Variants in PCDH9 observed in about 807,000 individuals in gnomAD.
PCDH9 encodes the protein protocadherin 9.
In PCDH9, 24 loss-of-function variants were observed where a neutral mutation model predicts 70.6. That is an observed-to-expected ratio of 0.34 (90% CI 0.25 to 0.48). The LOEUF is 0.48. Among genes scored for constraint, PCDH9 ranks in the 20% least tolerant of loss-of-function variants. PCDH9 has a pLI of 0.99. For missense variants in PCDH9, 1,281 were observed against 1,503.6 expected (o/e 0.85, Z 2.45); for synonymous variants, 562 against 558.5 (o/e 1.01, Z -0.09).
At chr13:66,877,167 A>G (rs923796768) in intron 3 of PCDH9, among the ~76,000 whole-genome samples, 7 of 151,908 alleles carry the variant, frequency 4.6e-5, no homozygotes, top group Non-Finnish European at 8.8e-5. Flanking sequence ...TTAGATTTCT[A>G]TTATTTCTAA....
intron 3 of PCDH9, chr13:66,880,055 G>T (rs1052575460): frequency 5.9e-5 from 9 of 152,156 alleles, no homozygotes; most frequent in Admixed American, 3.3e-4. Flanking sequence ...GAAAGAAGAT[G>T]TTTTTATGGA....
At chr13:66,947,880 G>A (rs990610140) in intron 2 of PCDH9, among the ~76,000 whole-genome samples, 1 of 152,094 alleles carries the variant, frequency 6.6e-6, no homozygotes, top group African/African-American at 2.4e-5. Flanking sequence ...AGGTGAATCT[G>A]TCTTCAGTGA....
At chr13:66,835,364 T>A (rs1202487689) in intron 3 of PCDH9, among the ~76,000 whole-genome samples, 2 of 152,190 alleles carry the variant, frequency 1.3e-5, no homozygotes, top group South Asian at 2.1e-4. Context: ...CCAGTCAGAT[T>A]AGGCTGAAAG....
intron 3 of PCDH9, among the ~76,000 whole-genome samples, chr13:66,674,906 G>A (rs557236725): frequency 6.6e-6 from 1 of 152,108 alleles, no homozygotes; most frequent in African/African-American, 2.4e-5. Flanking sequence ...ATGGAATAAA[G>A]AGAACTACCA....
chr13:66,815,314 A>C lies in PCDH9; in HGVS notation c.3138+88190T>G, dbSNP rs142632511. Among the ~76,000 whole-genome samples, 1,067 of 152,248 alleles carry C rather than the reference A, an allele frequency of 7.0e-3. 15 individuals are homozygous for C. Among genetic ancestry groups the C allele is most frequent in the African/African-American group, 0.024 (1,014 of 41,560 alleles). On this transcript the variant is annotated intron_variant, in intron 3 of 4. Transcript: ENST00000377865. ...TTGTGAAGAAAAGAGATTGCTATAC[A>C]CTGCTGGTGGAAATGTAAATTAGTT...
intron 2 of PCDH9, among the ~76,000 whole-genome samples, chr13:67,176,446 G>C (rs1211337322): frequency 6.6e-5 from 10 of 151,838 alleles, no homozygotes; most frequent in African/African-American, 2.4e-4. Context: ...TCAGTGTTAA[G>C]GTTTCTGGCT....
At chr13:66,382,197 T>G (rs1956860690) in intron 4 of PCDH9, among the ~76,000 whole-genome samples, 2 of 152,226 alleles carry the variant, frequency 1.3e-5, no homozygotes, top group Admixed American at 1.3e-4. Context: ...CTTTTCATCT[T>G]CTAAATTCAT....
intron 3 of PCDH9, among the ~76,000 whole-genome samples, chr13:66,680,192 T>C (rs1480659883): frequency 2.0e-5 from 3 of 151,986 alleles, no homozygotes; most frequent in African/African-American, 7.2e-5. Flanking sequence ...ATCTTGGACT[T>C]CTGTGAAATT....
intron 2 of PCDH9, among the ~76,000 whole-genome samples, chr13:66,935,855 C>A (rs370611305): frequency 1.3e-5 from 2 of 151,862 alleles, no homozygotes; most frequent in African/African-American, 2.4e-5. Context: ...CTGAGGCAAG[C>A]GGATCACTAG....
chr13:66,394,683 A>C (rs1268481127), intron 4 of PCDH9, among the ~76,000 whole-genome samples: 3 of 152,174 alleles, frequency 2.0e-5, no homozygotes, highest in Non-Finnish European at 4.4e-5. Flanking sequence ...CCTCTTTCTA[A>C]TTTGGTGTTT....
intron 2 of PCDH9, among the ~76,000 whole-genome samples, chr13:66,917,693 A>G (rs1289279635): frequency 6.6e-6 from 1 of 151,404 alleles, no homozygotes; most frequent in Non-Finnish European, 1.5e-5. Context: ...TAAATCTACT[A>G]AAAGATAAAG....
chr13:66,432,172 C>T (rs1383581260), intron 4 of PCDH9, among the ~76,000 whole-genome samples: 1 of 151,870 alleles, frequency 6.6e-6, no homozygotes, highest in East Asian at 1.9e-4. Flanking sequence ...TATTTATTAT[C>T]CAAATGTTTA....
At chr13:66,551,225 C>G (rs759213121) in intron 4 of PCDH9, among the ~76,000 whole-genome samples, 1 of 152,042 alleles carries the variant, frequency 6.6e-6, no homozygotes, top group Non-Finnish European at 1.5e-5. Context: ...CCCCAAGGAC[C>G]ATATCCAATT....
At chr13:66,861,386 A>T (rs2081481929) in intron 3 of PCDH9, among the ~76,000 whole-genome samples, 1 of 152,208 alleles carries the variant, frequency 6.6e-6, no homozygotes, top group Non-Finnish European at 1.5e-5. Flanking sequence ...ACTTTTCCCC[A>T]TCAGAAAACA....
At chr13:66,644,076 T>C (rs1415651166) in intron 3 of PCDH9, among the ~76,000 whole-genome samples, 3 of 152,040 alleles carry the variant, frequency 2.0e-5, no homozygotes, top group African/African-American at 7.2e-5. Flanking sequence ...TATTATTGTA[T>C]GTATATAATG....
At chr13:66,934,921 C>T (rs1381148856) in intron 2 of PCDH9, among the ~76,000 whole-genome samples, 1 of 150,030 alleles carries the variant, frequency 6.7e-6, no homozygotes, top group Non-Finnish European at 1.5e-5. Flanking sequence ...GGGGTTTCAC[C>T]GTGTTAGCCA....
intron 4 of PCDH9, among the ~76,000 whole-genome samples, chr13:66,385,062 T>G (rs573064831): frequency 6.6e-6 from 1 of 152,314 alleles, no homozygotes; most frequent in East Asian, 1.9e-4. Flanking sequence ...TTATTCTCTA[T>G]GTATTTGACA....
chr13:66,797,050 T>C (rs975656756), intron 3 of PCDH9, among the ~76,000 whole-genome samples: 1 of 152,096 alleles, frequency 6.6e-6, no homozygotes, highest in Non-Finnish European at 1.5e-5. Context: ...AGCTAGTTCA[T>C]AGGTTGAGAT....
intron 3 of PCDH9, among the ~76,000 whole-genome samples, chr13:66,784,877 C>T (rs1347960777): frequency 2.0e-5 from 3 of 152,140 alleles, no homozygotes; most frequent in East Asian, 1.9e-4. Flanking sequence ...CATAATTGCC[C>T]TGATCTTACT....
Sources: allele counts gnomAD v4.1 joint callset (sites outside exome capture counted in the v4.1 genomes callset), GRCh38; gene constraint gnomAD v4.1.1; transcripts MANE v1.5; gene names NCBI Gene and HGNC (gene_info 2026-07-23, HGNC 2026-07-21).